PLEKHM2: variants seen among roughly 807,000 people sequenced by gnomAD.
The protein encoded by PLEKHM2 is pleckstrin homology and RUN domain containing M2.
PLEKHM2 carries 77 observed loss-of-function variants against 116.3 expected under a neutral mutation model. The observed-to-expected ratio is 0.66, with a 90% confidence interval of 0.55 to 0.80. The LOEUF (loss-of-function observed/expected upper bound fraction) is 0.80. PLEKHM2 is among the 30% of genes least tolerant of loss of function. The pLI, the probability that PLEKHM2 is intolerant of heterozygous loss-of-function variation, is 0.00. For missense variants in PLEKHM2, 1,183 were observed against 1,354.9 expected, an observed-to-expected ratio of 0.87 and a Z score of 1.99; for synonymous variants, 562 against 571.0, an observed-to-expected ratio of 0.98 and a Z score of 0.22.
intron 3 of PLEKHM2, 109 bp from the exon 4 acceptor site, chr1:15,717,784 G>C: frequency 1.4e-6 from 1 of 696,202 alleles, no homozygotes; most frequent in Admixed American, 2.3e-5. Context: ...GGCCACTGAA[G>C]TGCCTGGTCC....
At chr1:15,686,679 C>T (rs1640778144) in intron 1 of PLEKHM2, among the ~76,000 whole-genome samples, 1 of 138,916 alleles carries the variant, frequency 7.2e-6, no homozygotes, top group South Asian at 2.2e-4. Context: ...GACGGAGTCT[C>T]GCTCTGTCGC....
chr1:15,681,655 G>A (rs1640647099), upstream of PLEKHM2: 1 of 452,920 alleles, frequency 2.2e-6, no homozygotes, highest in East Asian at 7.0e-5. Flanking sequence ...TAGCCAGGAT[G>A]GAGTGGGAAG....
In PLEKHM2 at chr1:15,719,655, C is replaced by T; in HGVS notation, c.466-79C>T. ...CCCAAAGAGGCACATCTGTGTCTCCCAGGCCTGGATCCTGCTGTCTGCAGA... is the reference window on the plus strand; with the variant it reads ...CCCAAAGAGGCACATCTGTGTCTCCTAGGCCTGGATCCTGCTGTCTGCAGA... On this transcript the variant is annotated intron_variant, in intron 5 of 19. Coordinates refer to ENST00000375799, the MANE Select transcript of PLEKHM2 (RefSeq NM_015164.4). The surrounding 1 kb of genome is among the most constrained non-coding windows in gnomAD (Gnocchi z 4.1). 1.1e-6 allele frequency: 1 copy of T among 933,766 alleles called. No individual in the cohort carries two copies. The highest frequency in any genetic ancestry group is 1.7e-6 in the Non-Finnish European group (1 of 594,172). 57.8% of individuals were successfully genotyped at this position (933,766 alleles called of 1,614,324 possible).
chr1:15,699,150 C>G (rs1641060718), intron 1 of PLEKHM2, among the ~76,000 whole-genome samples: 1 of 151,710 alleles, frequency 6.6e-6, no homozygotes, highest in Admixed American at 6.6e-5. Context: ...TATAGTGAGA[C>G]CCCATCTCTA....
At chr1:15,708,257 G>A (rs189122803) in intron 1 of PLEKHM2, among the ~76,000 whole-genome samples, 6 of 149,964 alleles carry the variant, frequency 4.0e-5, no homozygotes, top group Admixed American at 2.0e-4. Context: ...TCGCTCTGTC[G>A]CCAGGCTGGA....
chr1:15,684,495 CGGGAAGCGGCGGCGG>C lies in PLEKHM2; in HGVS notation c.-61_-47del. Reference sequence around the variant, plus strand: ...TGGCGGCGGCCCCCGGCCCCCGGCGCGGGAAGCGGCGGCGGGGCGGCGGCGGCGGTGGCGGTGGCG... The same window carrying C: ...TGGCGGCGGCCCCCGGCCCCCGGCGCGGCGGCGGCGGCGGTGGCGGTGGCG... On this transcript the variant is annotated 5_prime_UTR_variant, in exon 1 of 20. Transcript: ENST00000375799. The C allele has an allele frequency of 1.3e-5, 12 of 921,380 alleles. No homozygotes were observed. The highest frequency in any genetic ancestry group is 1.4e-5 in the Non-Finnish European group (11 of 774,198). The allele number at this position is 921,380 out of a possible 1,614,324, so 57.1% of individuals were successfully genotyped here.
At chr1:15,722,603 C>A (rs79881499) in intron 7 of PLEKHM2, 3 of 152,282 alleles carry the variant, frequency 2.0e-5, no homozygotes, top group Non-Finnish European at 4.4e-5. Context: ...GACGTGATTG[C>A]TGAGTAATGG....
intron 19 of PLEKHM2, 29 bp downstream of exon 19, chr1:15,732,757 C>A: frequency 6.8e-7 from 1 of 1,467,084 alleles, no homozygotes; most frequent in Non-Finnish European, 9.4e-7. Context: ...AACCCATTAG[C>A]CAGGGACCCT....
At chr1:15,716,850 C>G in intron 3 of PLEKHM2, 34 bp downstream of exon 3, 1 of 1,550,348 alleles carries the variant, frequency 6.5e-7, no homozygotes, top group Non-Finnish European at 8.7e-7. Flanking sequence ...GGGGAAGGGA[C>G]CAGCTCCACC....
At chr1:15,704,587 A>G (rs939152850) in intron 1 of PLEKHM2, among the ~76,000 whole-genome samples, 1 of 152,154 alleles carries the variant, frequency 6.6e-6, no homozygotes, top group African/African-American at 2.4e-5. Flanking sequence ...ATCATCAAAT[A>G]TTTGCTGTTT....
Position 15,728,921 on chromosome 1 carries a change from C to T in PLEKHM2, c.1987-181C>T, listed in dbSNP as rs539202612. On this transcript the variant is annotated intron_variant, in intron 12 of 19. Transcript: ENST00000375799. This position sits in a 1 kb window ranked among gnomAD's most constrained non-coding sequence, Gnocchi z 5.9. ...AACCAAGCTTGAGGTTGCCTCTTCC[C>T]GTGCTAGACTTCTGACCGTCCCTCC... 3.3e-5 allele frequency among the ~76,000 whole-genome samples: 5 copies of T among 152,316 alleles called. No homozygotes were observed. The highest frequency in any genetic ancestry group is 4.1e-4 in the South Asian group (2 of 4,826).
At chr1:15,718,794 C>T (rs557296810) in intron 5 of PLEKHM2, among the ~76,000 whole-genome samples, 169 bp downstream of exon 5, 79 of 152,194 alleles carry the variant, frequency 5.2e-4, no homozygotes, top group African/African-American at 1.8e-3. Context: ...CAGGGTCCAT[C>T]GAATTGAGTG....
chr1:15,701,171 C>G (rs1441502373), intron 1 of PLEKHM2, among the ~76,000 whole-genome samples: 4 of 148,902 alleles, frequency 2.7e-5, no homozygotes, highest in Non-Finnish European at 4.4e-5. Flanking sequence ...GTGGCTCACT[C>G]CTGTAATCCC....
At chr1:15,715,024 C>CA (rs1423929440) in intron 1 of PLEKHM2, among the ~76,000 whole-genome samples, 19 of 152,218 alleles carry the variant, frequency 1.2e-4, no homozygotes, top group Non-Finnish European at 1.5e-5. Context: ...CAGTTCATCT[C>CA]ACCTACTGTC....
In PLEKHM2 at chr1:15,724,598, C is replaced by T. The variant is rs183208998; in HGVS notation, c.713-719C>T. Among the ~76,000 whole-genome samples the T allele has an allele frequency of 1.5e-4, 23 of 152,170 alleles. 1 individual carries two copies. Among genetic ancestry groups the T allele is most frequent in the Admixed American group, 9.8e-4 (15 of 15,290 alleles). ...TGCTGGGGAGAAGCAGCCTGGGGGG[C>T]GGCCTCTCGGACCCCTGTCTTTGCC... On this transcript the variant is annotated intron_variant, in intron 7 of 19. Transcript: ENST00000375799.
chr1:15,685,594 C>T (rs1640754737), intron 1 of PLEKHM2, among the ~76,000 whole-genome samples: 1 of 146,750 alleles, frequency 6.8e-6, no homozygotes, highest in African/African-American at 2.5e-5. Context: ...AAGAAAATGG[C>T]TTGGGTGAGG....
rs992445848 is a variant in PLEKHM2 at position 15,729,024 on chromosome 1, G to C, written c.1987-78G>C. Reference sequence around the variant, plus strand: ...GTGTGCTTCTTCCTCCCCAGCAAGCGCTCAGCCTGGCCAAGCTGCCTTCTC... The same window carrying C: ...GTGTGCTTCTTCCTCCCCAGCAAGCCCTCAGCCTGGCCAAGCTGCCTTCTC... On this transcript the variant is annotated intron_variant, in intron 12 of 19. Transcript: ENST00000375799. The surrounding 1 kb of genome is among the most constrained non-coding windows in gnomAD (Gnocchi z 4.7). The C allele has an allele frequency of 2.2e-6, 3 of 1,338,252 alleles. No homozygotes were observed. The African/African-American group carries it at 4.3e-5, about 19-fold the overall frequency. 82.9% of individuals were successfully genotyped at this position (1,338,252 alleles called of 1,614,324 possible).
chr1:15,691,712 T>A (rs1281954629), intron 1 of PLEKHM2, among the ~76,000 whole-genome samples: 1 of 152,228 alleles, frequency 6.6e-6, no homozygotes, highest in African/African-American at 2.4e-5. Context: ...CAGCCCAGCC[T>A]GTCTGTGCAG....
At chr1:15,697,015 A>T (rs919565560) in intron 1 of PLEKHM2, among the ~76,000 whole-genome samples, 6 of 152,116 alleles carry the variant, frequency 3.9e-5, no homozygotes, top group African/African-American at 1.4e-4. Context: ...TCCCTTGGCC[A>T]TACTTGGGTT....
Sources: allele counts gnomAD v4.1 joint callset (sites outside exome capture counted in the v4.1 genomes callset), GRCh38; gene constraint gnomAD v4.1.1; non-coding constraint Gnocchi (gnomAD v3.1); transcripts MANE v1.5; gene names NCBI Gene and HGNC (gene_info 2026-07-23, HGNC 2026-07-21).